Variants in MACROD2 observed in about 807,000 individuals in gnomAD.
The protein encoded by MACROD2 is mono-ADP ribosylhydrolase 2, also known as ADP-ribose glycohydrolase MACROD2.
A neutral mutation model predicts 70.4 loss-of-function variants in MACROD2; 36 were observed. That is an observed-to-expected ratio of 0.51 (90% CI 0.39 to 0.68). The LOEUF (loss-of-function observed/expected upper bound fraction) is 0.68, where lower values mean the gene tolerates loss of function less well. Ranked by LOEUF, MACROD2 falls within the 30% of genes least tolerant of loss-of-function variation. The probability of loss-of-function intolerance (pLI) is 0.00; values close to 1 mark genes in which losing one functional copy is unlikely to be tolerated. For missense variants in MACROD2, 496 were observed against 538.4 expected (o/e 0.92, Z 0.78); for synonymous variants, 172 against 178.8 (o/e 0.96, Z 0.30).
chr20:14,069,508 C>T lies in MACROD2; in HGVS notation c.164-16113C>T, dbSNP rs1055362908. On this transcript the variant is annotated intron_variant, in intron 2 of 17. Transcript: ENST00000684519. ...ATGTTGCCTGTCTGTCTCCTATAGGCATTTGGATATTAGATTTCTGCAGTA... is the reference window on the plus strand; with the variant it reads ...ATGTTGCCTGTCTGTCTCCTATAGGTATTTGGATATTAGATTTCTGCAGTA... Among the ~76,000 whole-genome samples, 5 of 151,380 alleles carry T rather than the reference C, an allele frequency of 3.3e-5. No individual in the cohort carries two copies. The East Asian group carries it at 7.7e-4, about 23-fold the overall frequency.
chr20:15,480,953 G>C (rs574812952), intron 7 of MACROD2, among the ~76,000 whole-genome samples: 2 of 118,084 alleles, frequency 1.7e-5, no homozygotes, highest in African/African-American at 5.2e-5. Context: ...AACCATGCCT[G>C]TGTCTTCGTA....
At chr20:15,152,647 CAG>C (rs199670766) in intron 5 of MACROD2, among the ~76,000 whole-genome samples, 5 of 150,672 alleles carry the variant, frequency 3.3e-5, no homozygotes, top group Admixed American at 2.0e-4. Flanking sequence ...GGTAGAGACA[CAG>C]AGAAGGGGTT....
intron 5 of MACROD2, among the ~76,000 whole-genome samples, chr20:15,184,328 A>G (rs1379150060): frequency 1.3e-5 from 2 of 152,094 alleles, no homozygotes; most frequent in Non-Finnish European, 2.9e-5. Flanking sequence ...TCCCCTTCAA[A>G]AGGAATGACC....
chr20:14,937,224 G>T (rs1226627985), intron 5 of MACROD2, among the ~76,000 whole-genome samples: 1 of 151,990 alleles, frequency 6.6e-6, no homozygotes, highest in Non-Finnish European at 1.5e-5. Flanking sequence ...GAGATGGGAA[G>T]GTCTGGGAGT....
intron 5 of MACROD2, among the ~76,000 whole-genome samples, chr20:14,775,766 A>G (rs755282627): frequency 6.6e-5 from 10 of 152,026 alleles, no homozygotes; most frequent in Non-Finnish European, 5.9e-5. Context: ...CTTCCTTGCC[A>G]CTAGAAAAAA....
chr20:14,608,064 C>A (rs1982919423), intron 4 of MACROD2, among the ~76,000 whole-genome samples: 1 of 151,908 alleles, frequency 6.6e-6, no homozygotes, highest in African/African-American at 2.4e-5. Context: ...ATCAGCCTGG[C>A]CAATATGGTG....
intron 4 of MACROD2, among the ~76,000 whole-genome samples, chr20:14,596,114 C>CTT (rs1982111009): frequency 1.3e-5 from 2 of 151,548 alleles, no homozygotes; most frequent in Non-Finnish European, 2.9e-5. Context: ...TAGACGGAGT[C>CTT]GCCCTCTGTG....
intron 5 of MACROD2, among the ~76,000 whole-genome samples, chr20:15,132,122 A>T (rs2076110575): frequency 6.6e-6 from 1 of 152,082 alleles, no homozygotes; most frequent in East Asian, 1.9e-4. Context: ...GCTAAGTGAG[A>T]TGAAAAAACT....
At chr20:15,687,290 A>G (rs966660050) in intron 8 of MACROD2, among the ~76,000 whole-genome samples, 22 of 149,218 alleles carry the variant, frequency 1.5e-4, no homozygotes, top group Admixed American at 8.0e-4. Context: ...GAAATTGTAT[A>G]TATATATATT....
At chr20:14,493,670 T>C in intron 4 of MACROD2, 162 bp downstream of exon 4, 2 of 570,770 alleles carry the variant, frequency 3.5e-6, no homozygotes, top group Non-Finnish European at 6.3e-6. Context: ...ATAAATACCT[T>C]GGTTTGCTTA....
At chr20:14,296,460 C>T (rs887452850) in intron 3 of MACROD2, among the ~76,000 whole-genome samples, 9 of 151,870 alleles carry the variant, frequency 5.9e-5, no homozygotes, top group Non-Finnish European at 2.9e-5. Flanking sequence ...GAACAGTACA[C>T]AGCAGTGAAA....
intron 6 of MACROD2, among the ~76,000 whole-genome samples, chr20:15,355,769 G>A (rs2078280007): frequency 6.6e-6 from 1 of 152,136 alleles, no homozygotes; most frequent in Non-Finnish European, 1.5e-5. Flanking sequence ...GGCTTCAAAA[G>A]TTTCAAGCCA....
intron 6 of MACROD2, among the ~76,000 whole-genome samples, chr20:15,250,008 A>G (rs1197625173): frequency 6.6e-6 from 1 of 152,352 alleles, no homozygotes; most frequent in African/African-American, 2.4e-5. Context: ...TTAAGAAAAG[A>G]AACTTTTAAG....
intron 5 of MACROD2, among the ~76,000 whole-genome samples, chr20:14,852,576 C>T (rs412485): frequency 2.6e-5 from 4 of 151,764 alleles, no homozygotes; most frequent in South Asian, 2.1e-4. Flanking sequence ...ATCTGATAAG[C>T]GAGCAGGCCC....
chr20:15,726,756 G>T (rs948863485), intron 8 of MACROD2, among the ~76,000 whole-genome samples: 1 of 151,894 alleles, frequency 6.6e-6, no homozygotes, highest in Admixed American at 6.6e-5. Context: ...CATGTCCTTT[G>T]CCTACTTTTT....
At chr20:14,736,091 A>G (rs1014808128) in intron 5 of MACROD2, among the ~76,000 whole-genome samples, 3 of 152,184 alleles carry the variant, frequency 2.0e-5, no homozygotes, top group Non-Finnish European at 4.4e-5. Flanking sequence ...CCATCATTTG[A>G]TGAATGGATA....
chr20:15,000,847 C>G (rs1369000143), intron 5 of MACROD2, among the ~76,000 whole-genome samples: 2 of 152,036 alleles, frequency 1.3e-5, no homozygotes, highest in African/African-American at 4.8e-5. Flanking sequence ...TTATGCTTTT[C>G]TAAAAGCTTG....
chr20:14,553,493 C>T lies in MACROD2; in HGVS notation c.301+59985C>T, dbSNP rs115583958. On this transcript the variant is annotated intron_variant, in intron 4 of 17. Transcript: ENST00000684519. ...GTATGGTAGATACAGAAAGCAGTAA[C>T]ATAGTCTTTCATTATCAATTATTAT... 7.1e-3 allele frequency among the ~76,000 whole-genome samples: 1,037 copies of T among 146,114 alleles called. 16 individuals carry two copies. The highest frequency in any genetic ancestry group is 0.025 in the African/African-American group (970 of 39,396).
At chr20:15,554,728 G>C (rs1259997862) in intron 8 of MACROD2, among the ~76,000 whole-genome samples, 1 of 152,138 alleles carries the variant, frequency 6.6e-6, no homozygotes, top group Non-Finnish European at 1.5e-5. Context: ...AGGAAGGGTA[G>C]GAAGGTTAAA....
Sources: allele counts gnomAD v4.1 joint callset (sites outside exome capture counted in the v4.1 genomes callset), GRCh38; gene constraint gnomAD v4.1.1; transcripts MANE v1.5; gene names NCBI Gene and HGNC (gene_info 2026-07-23, HGNC 2026-07-21).